CCDC57: variants seen among roughly 807,000 people sequenced by gnomAD.
CCDC57 encodes the protein coiled-coil domain containing 57.
Under a neutral mutation model 118.9 loss-of-function variants are expected in CCDC57, and 118 were observed. The observed-to-expected ratio is 0.99, with a 90% CI of 0.86 to 1.16. The LOEUF is 1.16. CCDC57 is among the 50% of genes most tolerant of loss of function. The pLI, the probability that CCDC57 is intolerant of heterozygous loss-of-function variation, is 0.00. For missense variants in CCDC57, 1,300 were observed against 1,320.7 expected (o/e 0.98, Z 0.24); for synonymous variants, 527 against 532.9 (o/e 0.99, Z 0.15).
intron 17 of CCDC57, among the ~76,000 whole-genome samples, chr17:82,131,492 A>C (rs1312721047): frequency 6.6e-6 from 1 of 152,068 alleles, no homozygotes; most frequent in Non-Finnish European, 1.5e-5. Flanking sequence ...CTGTAATCCC[A>C]GCATTTGGGA....
At chr17:82,191,378 ACTGT>A (rs890515762) in intron 7 of CCDC57, among the ~76,000 whole-genome samples, 13 of 152,318 alleles carry the variant, frequency 8.5e-5, no homozygotes, top group African/African-American at 2.6e-4. Context: ...ACCACGTGGA[ACTGT>A]CTATGACGTG....
chr17:82,110,671 C>T (rs930968700), intron 19 of CCDC57, among the ~76,000 whole-genome samples: 3 of 152,230 alleles, frequency 2.0e-5, no homozygotes, highest in African/African-American at 2.4e-5. Flanking sequence ...CATCCTGCTT[C>T]TGCTTCAAAA....
chr17:82,113,660 G>A (rs571127248), intron 19 of CCDC57: 12 of 716,990 alleles, frequency 1.7e-5, no homozygotes, highest in South Asian at 4.4e-5. Context: ...CAGGCTGGGC[G>A]TGGGGCCCAC....
At chr17:82,115,888 T>G (rs1007174503) in intron 19 of CCDC57, among the ~76,000 whole-genome samples, 2 of 126,178 alleles carry the variant, frequency 1.6e-5, no homozygotes, top group Non-Finnish European at 3.2e-5. Flanking sequence ...ACCTCCACCC[T>G]CCGAGTTCAA....
intron 16 of CCDC57, among the ~76,000 whole-genome samples, chr17:82,140,155 G>A (rs1163820606): frequency 6.6e-6 from 1 of 151,922 alleles, no homozygotes; most frequent in African/African-American, 2.4e-5. Flanking sequence ...GCGCAATCTC[G>A]GCTCACTGCA....
chr17:82,153,150 T>C (rs8067138), intron 15 of CCDC57, among the ~76,000 whole-genome samples: 71,017 of 151,770 alleles, frequency 0.47, 17,420 homozygotes, highest in East Asian at 0.88. Flanking sequence ...AGGAATGGGC[T>C]CTTGGGTGTG....
At chr17:82,163,306 G>C in exon 14 of CCDC57, 1 of 1,613,696 alleles carries the variant, frequency 6.2e-7, no homozygotes, top group Non-Finnish European at 8.5e-7. Flanking sequence ...AGATCCTCCT[G>C]CTTGACCAGC....
chr17:82,181,295 C>T (rs2046182104), intron 9 of CCDC57, among the ~76,000 whole-genome samples: 1 of 152,252 alleles, frequency 6.6e-6, no homozygotes, highest in Non-Finnish European at 1.5e-5. Context: ...TCCCAGAGCT[C>T]GTCAGGGCGG....
intron 4 of CCDC57, among the ~76,000 whole-genome samples, chr17:82,196,494 C>T (rs989899317): frequency 2.6e-5 from 4 of 152,188 alleles, no homozygotes; most frequent in African/African-American, 9.7e-5. Context: ...CCCATCATGA[C>T]GTGAGCGTGG....
At chr17:82,182,752 C>G (rs1014263126) in intron 9 of CCDC57, among the ~76,000 whole-genome samples, 2 of 152,076 alleles carry the variant, frequency 1.3e-5, no homozygotes, top group African/African-American at 4.8e-5. Flanking sequence ...GTGGCACGAT[C>G]TGGGCTCACC....
At chr17:82,171,721 C>G in exon 13 of CCDC57, 1 of 1,612,658 alleles carries the variant, frequency 6.2e-7, no homozygotes, top group Non-Finnish European at 8.5e-7. Context: ...TGTCGAGGTG[C>G]GGACGCTGGG....
chr17:82,151,625 C>A (rs191173865), exon 16 of CCDC57: 3 of 1,550,400 alleles, frequency 1.9e-6, no homozygotes, highest in East Asian at 4.9e-5. Context: ...TTTCTCCAGG[C>A]GGAGGCTGAT....
At chr17:82,148,032 T>C (rs1024558272) in intron 16 of CCDC57, among the ~76,000 whole-genome samples, 1 of 47,562 alleles carries the variant, frequency 2.1e-5, no homozygotes, top group Non-Finnish European at 3.8e-5. Context: ...GGTGGATGGA[T>C]GGTAGATGGA....
chr17:82,103,910 T>C (rs1157856185), intron 19 of CCDC57, among the ~76,000 whole-genome samples: 2 of 152,154 alleles, frequency 1.3e-5, no homozygotes, highest in South Asian at 2.1e-4. Flanking sequence ...ATATCCACTT[T>C]ACAGGCTCTG....
chr17:82,108,980 A>G (rs1239568314), intron 19 of CCDC57: 1 of 152,278 alleles, frequency 6.6e-6, no homozygotes, highest in Non-Finnish European at 1.5e-5. Flanking sequence ...TGAAGACAGA[A>G]TATGGATAAG....
intron 7 of CCDC57, among the ~76,000 whole-genome samples, chr17:82,189,466 G>C (rs1277914091): frequency 2.0e-5 from 3 of 152,104 alleles, no homozygotes; most frequent in African/African-American, 7.2e-5. Context: ...TCTGCTGACT[G>C]GGTTTCAGAC....
chr17:82,137,238 G>T (rs2039336073), intron 16 of CCDC57, among the ~76,000 whole-genome samples: 1 of 151,822 alleles, frequency 6.6e-6, no homozygotes, highest in Non-Finnish European at 1.5e-5. Context: ...GGCTGGTCTT[G>T]AACTCCTGCA....
chr17:82,203,328 C>G (rs1053010791), intron 2 of CCDC57, among the ~76,000 whole-genome samples: 3 of 152,164 alleles, frequency 2.0e-5, no homozygotes, highest in African/African-American at 7.2e-5. Context: ...GCCAGGAGAA[C>G]CGTGAGCCAA....
rs1156864304 is a variant in CCDC57, at chr17:82,178,631, C to T, written c.1375-26G>A. On this transcript the variant is annotated intron_variant, in intron 10 of 19. Transcript: ENST00000665763. ...CTGGGAAAAACGCTGGGACTCAGTCCCTGTGTGGATGACCGGGCAGCTCCC... is the reference window on the plus strand; with the variant it reads ...CTGGGAAAAACGCTGGGACTCAGTCTCTGTGTGGATGACCGGGCAGCTCCC... The T allele has an allele frequency of 5.6e-6, 9 of 1,606,562 alleles. No individual in the cohort carries two copies. The East Asian group carries it at 1.3e-4, about 24-fold the overall frequency.
Sources: gnomAD v4.1 joint callset for allele counts (sites outside exome capture counted in the v4.1 genomes callset) on GRCh38, gnomAD v4.1.1 for gene constraint, MANE v1.5 for transcripts, NCBI Gene and HGNC (gene_info 2026-07-23, HGNC 2026-07-21) for gene names.